The following AGBL1 variants were observed in gnomAD, a reference collection of about 807,000 sequenced individuals.
AGBL1 encodes the protein AGBL carboxypeptidase 1.
AGBL1 carries 130 observed loss-of-function variants against 118.9 expected under a neutral mutation model. The ratio of observed to expected loss-of-function variants is 1.09; its 90% CI spans 0.95 to 1.26. The LOEUF (loss-of-function observed/expected upper bound fraction) is 1.26, where lower values mean the gene tolerates loss of function less well. Ranked by LOEUF, AGBL1 falls within the 50% of genes most tolerant of loss-of-function variation. The pLI is 0.00. For missense variants in AGBL1, 1,584 were observed against 1,298.1 expected, an observed-to-expected ratio of 1.22 and a Z score of -3.38; for synonymous variants, 555 against 478.9, an observed-to-expected ratio of 1.16 and a Z score of -2.08.
intron 24 of AGBL1, among the ~76,000 whole-genome samples, chr15:86,998,765 C>T (rs2141755223): frequency 6.6e-6 from 1 of 152,204 alleles, no homozygotes; most frequent in African/African-American, 2.4e-5. Context: ...CTGCAAATTG[C>T]ACAGATGCAG....
At chr15:86,471,672 C>G (rs2082481203) in intron 18 of AGBL1, among the ~76,000 whole-genome samples, 1 of 152,066 alleles carries the variant, frequency 6.6e-6, no homozygotes, top group Non-Finnish European at 1.5e-5. Flanking sequence ...GTGTTGGCTT[C>G]TCTTTGTAAA....
chr15:86,528,011 T>C (rs2083289953), intron 19 of AGBL1, among the ~76,000 whole-genome samples: 1 of 152,202 alleles, frequency 6.6e-6, no homozygotes, highest in Admixed American at 6.5e-5. Context: ...CATTTCTTCA[T>C]TCACTTGCAT....
At chr15:86,284,185 T>A (rs536249346) in intron 16 of AGBL1, among the ~76,000 whole-genome samples, 6 of 100,982 alleles carry the variant, frequency 5.9e-5, no homozygotes, top group Admixed American at 5.8e-4. Context: ...CATACTAAAA[T>A]TAAAATAAAA....
In AGBL1 at chr15:86,621,401, G is replaced by A. The variant is rs571926962; in HGVS notation, c.2995-52872G>A. Among the ~76,000 whole-genome samples, 12 of 152,210 alleles carry A rather than the reference G, an allele frequency of 7.9e-5. No homozygotes were observed. The South Asian group carries it at 1.0e-3, about 13-fold the overall frequency. ...TGGCTTGAAAGAAATTTATTGTCTCGCAGATCTGGAGGGCAGGAGTCCCAT... is the reference window on the plus strand; with the variant it reads ...TGGCTTGAAAGAAATTTATTGTCTCACAGATCTGGAGGGCAGGAGTCCCAT... On this transcript the variant is annotated intron_variant, in intron 21 of 22. Coordinates refer to ENST00000614907, the MANE Select transcript of AGBL1 (RefSeq NM_001386094.1).
At chr15:87,025,635 A>G (rs781116799) in intron 24 of AGBL1, among the ~76,000 whole-genome samples, 1 of 152,054 alleles carries the variant, frequency 6.6e-6, no homozygotes, top group Non-Finnish European at 1.5e-5. Context: ...TCTTCACACA[A>G]TTAGAAAAAA....
chr15:86,135,960 T>TA (rs758444657), intron 1 of AGBL1, among the ~76,000 whole-genome samples: 60 of 152,230 alleles, frequency 3.9e-4, no homozygotes, highest in Admixed American at 1.8e-3. Flanking sequence ...GAGGTCCAGG[T>TA]ACCTTAAGAC....
chr15:86,215,659 T>A (rs1291277666), intron 5 of AGBL1, among the ~76,000 whole-genome samples: 3 of 152,196 alleles, frequency 2.0e-5, no homozygotes, highest in Non-Finnish European at 4.4e-5. Context: ...GTTACCTTTC[T>A]TAGTCTCTTC....
intron 5 of AGBL1, among the ~76,000 whole-genome samples, chr15:86,187,304 T>A (rs2077647685): frequency 6.6e-6 from 1 of 152,180 alleles, no homozygotes; most frequent in South Asian, 2.1e-4. Flanking sequence ...TCTAATGAAA[T>A]TCCAAAATAC....
intron 21 of AGBL1, among the ~76,000 whole-genome samples, chr15:86,640,267 A>G (rs900828239): frequency 3.9e-5 from 6 of 152,210 alleles, no homozygotes; most frequent in Non-Finnish European, 8.8e-5. Flanking sequence ...TATAAAGTCC[A>G]GAATTATAAT....
chr15:86,324,591 G>C (rs1008859567), intron 17 of AGBL1, among the ~76,000 whole-genome samples: 4 of 152,160 alleles, frequency 2.6e-5, no homozygotes, highest in African/African-American at 9.6e-5. Context: ...TATTTATAGA[G>C]AGAGTTTCTG....
At chr15:86,143,948 C>T (rs1016074689) in intron 3 of AGBL1, 103 bp downstream of exon 3, 57 of 1,388,992 alleles carry the variant, frequency 4.1e-5, no homozygotes, top group Non-Finnish European at 5.1e-5. Context: ...AGGGAGAAAG[C>T]GTCAGGGAGG....
At chr15:86,309,924 T>C (rs1217863070) in intron 17 of AGBL1, among the ~76,000 whole-genome samples, 1 of 152,228 alleles carries the variant, frequency 6.6e-6, no homozygotes, top group Non-Finnish European at 1.5e-5. Flanking sequence ...GCTTCAGTCA[T>C]AGAGTAAAGC....
intron 22 of AGBL1, among the ~76,000 whole-genome samples, chr15:86,819,606 A>C (rs1168259777): frequency 6.6e-6 from 1 of 152,152 alleles, no homozygotes; most frequent in Non-Finnish European, 1.5e-5. Flanking sequence ...GACCTCTTCA[A>C]GGAGAACTAC....
intron 18 of AGBL1, among the ~76,000 whole-genome samples, chr15:86,422,482 A>G (rs71399830): frequency 6.6e-6 from 1 of 152,250 alleles, no homozygotes; most frequent in African/African-American, 2.4e-5. Flanking sequence ...CTAAATGCCC[A>G]CAGGAGAAAG....
chr15:86,917,175 G>T (rs371106847), downstream of AGBL1, among the ~76,000 whole-genome samples: 1 of 152,140 alleles, frequency 6.6e-6, no homozygotes, highest in Admixed American at 6.5e-5. This position sits in a 1 kb window ranked among gnomAD's most constrained non-coding sequence, Gnocchi z 4.8. Context: ...GAAGATGGGG[G>T]AGAGGCGTGG....
intron 5 of AGBL1, among the ~76,000 whole-genome samples, chr15:86,197,010 C>T (rs1158181092): frequency 6.6e-6 from 1 of 152,054 alleles, no homozygotes; most frequent in Admixed American, 6.5e-5. Flanking sequence ...CCCTGCCAGA[C>T]CTTCTAGCCT....
chr15:86,483,766 T>C (rs1224646036), intron 18 of AGBL1, among the ~76,000 whole-genome samples: 1 of 152,108 alleles, frequency 6.6e-6, no homozygotes, highest in African/African-American at 2.4e-5. Flanking sequence ...GTTTCATTGG[T>C]TTTTGAGACA....
chr15:86,132,706 C>T (rs1315140397), intron 1 of AGBL1, among the ~76,000 whole-genome samples: 3 of 152,174 alleles, frequency 2.0e-5, no homozygotes, highest in Non-Finnish European at 4.4e-5. Flanking sequence ...TGACCGGAGA[C>T]TTTGCAATTT....
At chr15:86,262,607 T>A (rs2079010642) in intron 9 of AGBL1, 171 bp from the exon 10 acceptor site, 1 of 679,222 alleles carries the variant, frequency 1.5e-6, no homozygotes, top group Admixed American at 2.1e-5. Flanking sequence ...TCTTTTTATT[T>A]TAAAAATACA....
Sources: gnomAD v4.1 joint callset for allele counts (sites outside exome capture counted in the v4.1 genomes callset) on GRCh38, gnomAD v4.1.1 for gene constraint, Gnocchi (gnomAD v3.1) non-coding constraint, MANE v1.5 for transcripts, NCBI Gene and HGNC (gene_info 2026-07-23, HGNC 2026-07-21) for gene names.